The following PARD3B variants were observed in gnomAD, a reference collection of about 807,000 sequenced individuals.
The protein encoded by PARD3B is partitioning defective 3 homolog B.
PARD3B carries 103 observed loss-of-function variants against 130.2 expected under a neutral mutation model. That is an observed-to-expected ratio of 0.79 (90% confidence interval 0.67 to 0.93). The LOEUF (loss-of-function observed/expected upper bound fraction) is 0.93. Ranked by LOEUF, PARD3B falls within the 40% of genes least tolerant of loss-of-function variation. PARD3B has a pLI of 0.00. For missense variants in PARD3B, 1,609 were observed against 1,499.2 expected (o/e 1.07, Z -1.21); for synonymous variants, 583 against 553.2 (o/e 1.05, Z -0.76).
In PARD3B at chr2:205,509,057, T is replaced by C. The variant is rs1160111654; in HGVS notation, c.3180+9026T>C. ...GACATATAAGCTATATGGGAGAAGA[T>C]CTGGACTATACAACATGTGAGTGAA... On this transcript the variant is annotated intron_variant, in intron 21 of 22. Transcript: ENST00000406610. 4.6e-5 allele frequency among the ~76,000 whole-genome samples: 7 copies of C among 152,052 alleles called. No homozygotes were observed. The East Asian group carries it at 1.4e-3, about 29-fold the overall frequency.
chr2:205,594,258 G>A (rs926860727), intron 22 of PARD3B, among the ~76,000 whole-genome samples: 13 of 152,196 alleles, frequency 8.5e-5, no homozygotes, highest in African/African-American at 3.1e-4. Flanking sequence ...GCTCCTATCC[G>A]AGGTCCCTTC....
At position 205,282,314 on chromosome 2, in the gene PARD3B, A is replaced by G. The variant is rs558014300; in HGVS notation, c.2186-18216A>G. Among the ~76,000 whole-genome samples the G allele has an allele frequency of 7.9e-5, 12 of 152,068 alleles. No individual in the cohort carries two copies. In the South Asian group the frequency reaches 1.0e-3, roughly 13 times the overall value. On this transcript the variant is annotated intron_variant, in intron 16 of 22. Coordinates refer to ENST00000406610, the MANE Select transcript of PARD3B (RefSeq NM_001302769.2). Reference sequence around the variant, plus strand: ...CCTGGTCTCTTTCTTTTCATTCTTGATAACAGTGTACTTGAGCATCCTTAT... The same window carrying G: ...CCTGGTCTCTTTCTTTTCATTCTTGGTAACAGTGTACTTGAGCATCCTTAT...
At chr2:204,771,255 TATGTGTGTAA>T (rs554944110) in intron 2 of PARD3B, among the ~76,000 whole-genome samples, 93 of 152,150 alleles carry the variant, frequency 6.1e-4, no homozygotes, top group African/African-American at 2.2e-3. Flanking sequence ...TTGGAGTGTG[TATGTGTGTAA>T]GCATGTCTTG....
intron 2 of PARD3B, among the ~76,000 whole-genome samples, chr2:204,882,816 G>A (rs887359323): frequency 2.0e-5 from 3 of 152,116 alleles, no homozygotes; most frequent in African/African-American, 7.2e-5. Flanking sequence ...CTCTAATAAA[G>A]GTTTTAAACT....
chr2:205,485,259 T>C (rs961566635), intron 20 of PARD3B, among the ~76,000 whole-genome samples: 1 of 152,196 alleles, frequency 6.6e-6, no homozygotes, highest in African/African-American at 2.4e-5. Context: ...TATCATTATA[T>C]TGCTGATGCA....
At chr2:205,092,468 A>G (rs943987937) in intron 4 of PARD3B, among the ~76,000 whole-genome samples, 1 of 152,152 alleles carries the variant, frequency 6.6e-6, no homozygotes, top group African/African-American at 2.4e-5. Context: ...CTTATGAAAG[A>G]GTTTCAGGGC....
intron 2 of PARD3B, among the ~76,000 whole-genome samples, chr2:204,840,742 C>T (rs771441693): frequency 7.9e-5 from 12 of 152,042 alleles, no homozygotes; most frequent in East Asian, 7.7e-4. Flanking sequence ...TGGTCAACCA[C>T]GGTCGCAAAG....
At chr2:205,422,940 G>A (rs2047020980) in intron 19 of PARD3B, among the ~76,000 whole-genome samples, 1 of 152,118 alleles carries the variant, frequency 6.6e-6, no homozygotes, top group Non-Finnish European at 1.5e-5. Context: ...CATCCTCATT[G>A]TAGTTCTCAA....
At position 205,397,034 on chromosome 2, in the gene PARD3B, C is replaced by T. The variant is rs1358063161; in HGVS notation, c.2631-3979C>T. Among the ~76,000 whole-genome samples the T allele has an allele frequency of 6.6e-6, 1 of 152,166 alleles. No homozygotes were observed. The highest frequency in any genetic ancestry group is 1.5e-5 in the Non-Finnish European group (1 of 68,038). On this transcript the variant is annotated intron_variant, in intron 18 of 22. Transcript: ENST00000406610. This position sits in a 1 kb window ranked among gnomAD's most constrained non-coding sequence, Gnocchi z 4.8. Reference sequence around the variant, plus strand: ...CCCCCTCACTCTCTCCCCCGGTCCACTACTGCCACTACTGATAATTAAGTT... The same window carrying T: ...CCCCCTCACTCTCTCCCCCGGTCCATTACTGCCACTACTGATAATTAAGTT...
chr2:205,302,171 C>T (rs376978966), intron 18 of PARD3B, among the ~76,000 whole-genome samples: 1 of 134,212 alleles, frequency 7.5e-6, no homozygotes, highest in Admixed American at 8.8e-5. Flanking sequence ...TGGGTTCAAG[C>T]GATTCTTCTG....
At chr2:204,585,299 A>G (rs886679174) in intron 1 of PARD3B, among the ~76,000 whole-genome samples, 1 of 152,034 alleles carries the variant, frequency 6.6e-6, no homozygotes, top group Non-Finnish European at 1.5e-5. Flanking sequence ...TTGTGATTAG[A>G]GCAGAACTCC....
intron 11 of PARD3B, among the ~76,000 whole-genome samples, chr2:205,165,722 AAAATAAATAAATAAAT>A (rs71032449): frequency 3.2e-4 from 47 of 146,182 alleles, no homozygotes; most frequent in Middle Eastern, 3.5e-3. Context: ...CTCTGTCTCA[AAAATAAATAAATAAAT>A]AAATAAATAA....
intron 2 of PARD3B, among the ~76,000 whole-genome samples, chr2:204,903,168 G>A (rs2046927749): frequency 6.6e-6 from 1 of 152,212 alleles, no homozygotes; most frequent in African/African-American, 2.4e-5. Flanking sequence ...GAGAAAGGTT[G>A]CCATTCTCTT....
intron 10 of PARD3B, among the ~76,000 whole-genome samples, chr2:205,157,992 G>A (rs777313097): frequency 7.9e-5 from 12 of 152,106 alleles, no homozygotes; most frequent in African/African-American, 1.4e-4. Context: ...GTATGCTTGC[G>A]GCTAGGTGTC....
At chr2:205,368,324 T>C (rs2044683705) in intron 18 of PARD3B, among the ~76,000 whole-genome samples, 1 of 152,152 alleles carries the variant, frequency 6.6e-6, no homozygotes, top group Non-Finnish European at 1.5e-5. Context: ...ATATCTGATA[T>C]TATCAGATTT....
Position 205,607,275 on chromosome 2 carries a change from G to A in PARD3B, c.3261-8181G>A, listed in dbSNP as rs968494098. On this transcript the variant is annotated intron_variant, in intron 22 of 22. Coordinates refer to ENST00000406610, the MANE Select transcript of PARD3B (RefSeq NM_001302769.2). ...AAAGAAGTCTCTTTTTAGTGCATTAGATCCTGTTTTTTAGAAATGTGTTTC... is the reference window on the plus strand; with the variant it reads ...AAAGAAGTCTCTTTTTAGTGCATTAAATCCTGTTTTTTAGAAATGTGTTTC... Among the ~76,000 whole-genome samples the A allele has an allele frequency of 6.6e-5, 10 of 151,856 alleles. No individual in the cohort carries two copies. The East Asian group carries it at 1.7e-3, about 26-fold the overall frequency.
intron 19 of PARD3B, among the ~76,000 whole-genome samples, chr2:205,415,202 A>G (rs1019765624): frequency 1.3e-5 from 2 of 152,160 alleles, no homozygotes; most frequent in African/African-American, 4.8e-5. Flanking sequence ...GCTTTTGACA[A>G]TATTAAACCC....
At chr2:205,512,012 T>C (rs1273250424) in intron 21 of PARD3B, among the ~76,000 whole-genome samples, 1 of 152,114 alleles carries the variant, frequency 6.6e-6, no homozygotes, top group Non-Finnish European at 1.5e-5. Flanking sequence ...AAAAGAAAAT[T>C]CACAGAAAGC....
At chr2:205,213,505 A>G (rs2037754321) in intron 15 of PARD3B, among the ~76,000 whole-genome samples, 1 of 152,154 alleles carries the variant, frequency 6.6e-6, no homozygotes, top group Admixed American at 6.6e-5. Context: ...TCTGGCTGCA[A>G]TCTCAGAAAC....
Sources: gnomAD v4.1 joint callset for allele counts (sites outside exome capture counted in the v4.1 genomes callset) on GRCh38, gnomAD v4.1.1 for gene constraint, Gnocchi (gnomAD v3.1) non-coding constraint, MANE v1.5 for transcripts, NCBI Gene and HGNC (gene_info 2026-07-23, HGNC 2026-07-21) for gene names.